The following CCAR1 variants were observed in gnomAD, a reference collection of about 807,000 sequenced individuals.
CCAR1 encodes cell division cycle and apoptosis regulator 1.
Under a neutral mutation model 163.8 loss-of-function variants are expected in CCAR1, and 78 were observed. That is an observed-to-expected ratio of 0.48 (90% CI 0.40 to 0.57). The LOEUF is 0.57. CCAR1 is among the 20% of genes least tolerant of loss of function. The pLI is 0.00. For synonymous variants in CCAR1, 443 were observed against 460.7 expected (o/e 0.96, Z 0.49); for missense variants, 1,019 against 1,365.2 (o/e 0.75, Z 4.00).
chr10:68,786,261 T>G, intron 20 of CCAR1, 43 bp downstream of exon 20: 2 of 1,287,676 alleles, frequency 1.6e-6, no homozygotes, highest in South Asian at 2.5e-5. Context: ...GGTGATATCT[T>G]ACATCATCTA....
In CCAR1 at chr10:68,788,048, G is replaced by T; in HGVS notation, c.3001+1G>T. ...GAGTCATTGCAGGAAGATATGCTAGGTCTGAGTAATATTAAGATTTTGCTT... is the reference window on the plus strand; with the variant it reads ...GAGTCATTGCAGGAAGATATGCTAGTTCTGAGTAATATTAAGATTTTGCTT... On this transcript the variant is annotated splice_donor_variant, in intron 22 of 24. Transcript: ENST00000265872. LOFTEE classifies it high-confidence loss of function. 1.3e-6 allele frequency: 2 copies of T among 1,586,690 alleles called. No individual in the cohort carries two copies. Among genetic ancestry groups the T allele is most frequent in the Non-Finnish European group, 1.7e-6 (2 of 1,171,770 alleles).
chr10:68,760,890 AAAAC>A, intron 15 of CCAR1, 113 bp from the exon 16 acceptor site: 2 of 418,094 alleles, frequency 4.8e-6, no homozygotes, highest in Non-Finnish European at 8.5e-6. Flanking sequence ...AAAAAAAAAA[AAAAC>A]ACACAAAATA....
chr10:68,725,601 A>G (rs1177668909), intron 2 of CCAR1, among the ~76,000 whole-genome samples: 1 of 152,040 alleles, frequency 6.6e-6, no homozygotes, highest in Non-Finnish European at 1.5e-5. Context: ...GTGTTTAGGG[A>G]TTTCAAATAA....
At chr10:68,751,725 G>A (rs200565248) in intron 10 of CCAR1, among the ~76,000 whole-genome samples, 3 of 151,632 alleles carry the variant, frequency 2.0e-5, no homozygotes, top group East Asian at 2.0e-4. Flanking sequence ...TTAGCTGGGC[G>A]TGGTAGTGTG....
chr10:68,757,484 G>T, intron 15 of CCAR1, 107 bp downstream of exon 15: 1 of 589,420 alleles, frequency 1.7e-6, no homozygotes. Flanking sequence ...GCGCGATCTC[G>T]GCTCACTTCA....
chr10:68,746,235 G>A (rs866984568), intron 6 of CCAR1, among the ~76,000 whole-genome samples: 2 of 149,820 alleles, frequency 1.3e-5, no homozygotes, highest in Non-Finnish European at 3.0e-5. Flanking sequence ...CCTCCCAAAG[G>A]GTTGGGATTA....
intron 19 of CCAR1, among the ~76,000 whole-genome samples, chr10:68,781,039 C>G (rs1041962010): frequency 1.3e-5 from 2 of 150,952 alleles, no homozygotes; most frequent in Admixed American, 6.6e-5. Context: ...TGAAACCAGC[C>G]TGGCCAACAT....
At chr10:68,781,359 A>G (rs1452022765) in intron 19 of CCAR1, among the ~76,000 whole-genome samples, 1 of 151,968 alleles carries the variant, frequency 6.6e-6, no homozygotes, top group Non-Finnish European at 1.5e-5. Flanking sequence ...CATTGCCAAC[A>G]TGGTAAAACT....
At chr10:68,790,284 A>G (rs1486924218) in intron 24 of CCAR1, among the ~76,000 whole-genome samples, 1 of 151,940 alleles carries the variant, frequency 6.6e-6, no homozygotes, top group Admixed American at 6.6e-5. Context: ...GAACCTGTGA[A>G]GCAGAGGTTT....
intron 19 of CCAR1, among the ~76,000 whole-genome samples, chr10:68,778,014 T>G (rs934439995): frequency 1.3e-5 from 2 of 151,766 alleles, no homozygotes; most frequent in African/African-American, 2.4e-5. Context: ...AGGTCAGGAG[T>G]TCGAGACTAG....
rs116709118 is a variant in CCAR1 at position 68,733,330 on chromosome 10, G to A, written c.74-3546G>A. 2.5e-3 allele frequency among the ~76,000 whole-genome samples: 378 copies of A among 152,220 alleles called. 1 individual carries two copies. Among genetic ancestry groups the A allele is most frequent in the African/African-American group, 8.7e-3 (362 of 41,542 alleles). On this transcript the variant is annotated intron_variant, in intron 2 of 24. Coordinates refer to ENST00000265872, the MANE Select transcript of CCAR1 (RefSeq NM_018237.4). ...GGAGGCTGAGGGAGGAGGATCACCT[G>A]AGTTCGGGAGGTTGAGGTTGCAGTG... is the stretch of plus-strand genomic sequence containing the variant.
Position 68,771,109 on chromosome 10 carries a change from T to C in CCAR1, c.2299-97T>C, listed in dbSNP as rs2056597189. On this transcript the variant is annotated intron_variant, in intron 17 of 24. Coordinates refer to ENST00000265872, the MANE Select transcript of CCAR1 (RefSeq NM_018237.4). ...AAAAAAGTTTGATAAGTTTACATAA[T>C]CGTTGTATGTGGCAAGTTTTTATTT... The C allele has an allele frequency of 9.7e-6, 10 of 1,033,434 alleles. No individual in the cohort carries two copies. In the South Asian group the frequency reaches 1.7e-4, roughly 17 times the overall value. 64.0% of individuals were successfully genotyped at this position (1,033,434 alleles called of 1,614,324 possible). A position where few individuals can be genotyped will look rare whatever the true frequency, so the allele number is the denominator to read the frequency against.
chr10:68,737,227 A>G (rs2056123066), intron 3 of CCAR1, among the ~76,000 whole-genome samples, 179 bp downstream of exon 3: 1 of 152,136 alleles, frequency 6.6e-6, no homozygotes, highest in Non-Finnish European at 1.5e-5. Flanking sequence ...TAGTTGGGCC[A>G]GGCATGGTGG....
intron 2 of CCAR1, among the ~76,000 whole-genome samples, chr10:68,727,673 T>A (rs1294895772): frequency 6.6e-6 from 1 of 152,172 alleles, no homozygotes; most frequent in African/African-American, 2.4e-5. Flanking sequence ...TGATACGTCT[T>A]CAGTGACAGC....
chr10:68,744,242 G>A (rs1425025667), intron 6 of CCAR1, among the ~76,000 whole-genome samples: 1 of 152,180 alleles, frequency 6.6e-6, no homozygotes, highest in Admixed American at 6.6e-5. Context: ...CAATATTTCT[G>A]GGTAAACATA....
At chr10:68,764,698 A>T (rs944570424) in intron 16 of CCAR1, among the ~76,000 whole-genome samples, 2 of 152,172 alleles carry the variant, frequency 1.3e-5, no homozygotes, top group African/African-American at 4.8e-5. Flanking sequence ...ATTGCTACAG[A>T]TAGGGTCAGA....
chr10:68,787,486 G>A (rs1427423653), intron 21 of CCAR1, among the ~76,000 whole-genome samples: 4 of 149,310 alleles, frequency 2.7e-5, no homozygotes, highest in South Asian at 2.1e-4. Flanking sequence ...TAACAATGAA[G>A]TTTTTTTTTT....
At chr10:68,771,109 T>A in intron 17 of CCAR1, 97 bp from the exon 18 acceptor site, 1 of 1,033,552 alleles carries the variant, frequency 9.7e-7, no homozygotes, top group Non-Finnish European at 1.4e-6. Context: ...GTTTACATAA[T>A]CGTTGTATGT....
chr10:68,774,307 C>A (rs995412043), intron 19 of CCAR1, among the ~76,000 whole-genome samples: 2 of 152,104 alleles, frequency 1.3e-5, no homozygotes, highest in African/African-American at 4.8e-5. Flanking sequence ...GGATTATAGG[C>A]GTGAGCTACA....
Sources: gnomAD v4.1 joint callset for allele counts (sites outside exome capture counted in the v4.1 genomes callset) on GRCh38, gnomAD v4.1.1 for gene constraint, MANE v1.5 for transcripts, NCBI Gene and HGNC (gene_info 2026-07-23, HGNC 2026-07-21) for gene names.